The following LRRC18 variants were observed in gnomAD, a reference collection of about 807,000 sequenced individuals.
LRRC18 encodes the protein leucine-rich repeat-containing protein 18.
A neutral mutation model predicts 11.2 loss-of-function variants in LRRC18; 12 were observed. That is an observed-to-expected ratio of 1.07 (90% CI 0.69 to 1.74). The LOEUF (loss-of-function observed/expected upper bound fraction) is 1.74. LRRC18 is among the 40% of genes most tolerant of loss of function. LRRC18 has a pLI of 0.00. For missense variants in LRRC18, 374 were observed against 330.5 expected (o/e 1.13, Z -1.02); for synonymous variants, 155 against 130.6 (o/e 1.19, Z -1.27).
At chr10:48,934,569 A>G in the LRRC18 span, among the ~76,000 whole-genome samples, 2 of 152,204 alleles carry the variant, frequency 1.3e-5, no homozygotes, top group African/African-American at 2.4e-5. Flanking sequence ...GCAAAGCCCA[A>G]CTTAGCCTAG....
At chr10:48,938,200 A>G in the LRRC18 span, among the ~76,000 whole-genome samples, 1 of 152,264 alleles carries the variant, frequency 6.6e-6, no homozygotes, top group African/African-American at 2.4e-5. Flanking sequence ...CAAATAGGCA[A>G]CACAACATGG....
upstream of LRRC18, among the ~76,000 whole-genome samples, chr10:48,916,732 T>G (rs10776654): frequency 0.76 from 114,952 of 152,130 alleles, 43,857 homozygotes; most frequent in East Asian, 1. Context: ...CTCTGAACTC[T>G]CCTGAGCTGC....
At chr10:48,930,556 G>A in the LRRC18 span, among the ~76,000 whole-genome samples, 2 of 152,144 alleles carry the variant, frequency 1.3e-5, no homozygotes, top group African/African-American at 4.8e-5. Context: ...GCAAGGAAAC[G>A]GCTGGTACTC....
chr10:48,932,401 A>G, the LRRC18 span: 2 of 152,208 alleles, frequency 1.3e-5, no homozygotes, highest in Non-Finnish European at 2.9e-5. Context: ...AGCACTGACA[A>G]ATTATTAATA....
At chr10:48,910,810 G>T in intron 1 of LRRC18, 1 of 609,794 alleles carries the variant, frequency 1.6e-6, no homozygotes, top group Non-Finnish European at 2.1e-6. Context: ...TAAGGGTGTT[G>T]AGGACCAAGC....
At chr10:48,922,918 G>C in the LRRC18 span, among the ~76,000 whole-genome samples, 1 of 152,216 alleles carries the variant, frequency 6.6e-6, no homozygotes, top group Non-Finnish European at 1.5e-5. Flanking sequence ...AGAGTCACAA[G>C]TGAGTTTTCT....
intron 1 of LRRC18, 110 bp from the exon 4 acceptor site, chr10:48,910,368 T>C: frequency 1.1e-6 from 1 of 932,950 alleles, no homozygotes; most frequent in South Asian, 1.3e-5. Context: ...ACCTTCAGGA[T>C]GGTCAGGTTA....
chr10:48,910,365 G>A, intron 1 of LRRC18, 107 bp from the exon 4 acceptor site: 2 of 946,076 alleles, frequency 2.1e-6, no homozygotes, highest in Non-Finnish European at 3.5e-6. Flanking sequence ...CTGACCTTCA[G>A]GATGGTCAGG....
At chr10:48,919,186 A>AG (rs56671155), upstream of LRRC18, among the ~76,000 whole-genome samples, 1 of 152,226 alleles carries the variant, frequency 6.6e-6, no homozygotes, top group African/African-American at 2.4e-5. Context: ...TAAAAAAAAA[A>AG]GAAAGAGAAG....
At chr10:48,923,929 C>T in the LRRC18 span, among the ~76,000 whole-genome samples, 131 of 152,328 alleles carry the variant, frequency 8.6e-4, no homozygotes, top group Middle Eastern at 0.02. Flanking sequence ...CAGTTGGGCC[C>T]AGCTGTGCCG....
At chr10:48,925,935 A>C in the LRRC18 span, among the ~76,000 whole-genome samples, 1 of 152,184 alleles carries the variant, frequency 6.6e-6, no homozygotes, top group African/African-American at 2.4e-5. Context: ...AAATATTTTT[A>C]CTATAAGAGA....
At chr10:48,934,410 A>G in the LRRC18 span, among the ~76,000 whole-genome samples, 1 of 152,172 alleles carries the variant, frequency 6.6e-6, no homozygotes, top group Non-Finnish European at 1.5e-5. Flanking sequence ...CACCGGGGGG[A>G]TACAGCAATT....
chr10:48,924,155 C>A, the LRRC18 span, among the ~76,000 whole-genome samples: 5 of 152,212 alleles, frequency 3.3e-5, no homozygotes, highest in African/African-American at 1.2e-4. Flanking sequence ...GTCTGGGTCC[C>A]TAGGCAGCCC....
the LRRC18 span, among the ~76,000 whole-genome samples, chr10:48,923,506 A>ATATATATATATGTATGTATG: frequency 1.6e-4 from 18 of 115,114 alleles, 3 homozygotes; most frequent in East Asian, 1.1e-3. Context: ...GTATATATAT[A>ATATATATATATGTATGTATG]TATATATGTC....
chr10:48,925,144 T>G, the LRRC18 span, among the ~76,000 whole-genome samples: 1 of 152,304 alleles, frequency 6.6e-6, no homozygotes, highest in South Asian at 2.1e-4. Flanking sequence ...ACTCACTCAT[T>G]CAAAGGTAAC....
chr10:48,938,112 C>T, the LRRC18 span, among the ~76,000 whole-genome samples: 1 of 152,226 alleles, frequency 6.6e-6, no homozygotes, highest in Non-Finnish European at 1.5e-5. Context: ...TTGCGTATGC[C>T]TAGTGCTTCT....
chr10:48,918,556 G>C (rs1470511424), upstream of LRRC18, among the ~76,000 whole-genome samples: 1 of 152,142 alleles, frequency 6.6e-6, no homozygotes, highest in Non-Finnish European at 1.5e-5. Context: ...CCTAACAGCA[G>C]AGCTTCAATT....
At chr10:48,933,471 C>T in the LRRC18 span, among the ~76,000 whole-genome samples, 30 of 152,184 alleles carry the variant, frequency 2.0e-4, no homozygotes, top group Non-Finnish European at 4.1e-4. Flanking sequence ...GCTCTCTTGG[C>T]CGCCAGTGGC....
the LRRC18 span, among the ~76,000 whole-genome samples, chr10:48,929,530 C>T: frequency 6.6e-6 from 1 of 152,178 alleles, no homozygotes; most frequent in Non-Finnish European, 1.5e-5. Flanking sequence ...ATGGCCAAGC[C>T]CCTTGCTCCT....
Sources: allele counts gnomAD v4.1 joint callset (sites outside exome capture counted in the v4.1 genomes callset), GRCh38; gene constraint gnomAD v4.1.1; transcripts MANE v1.5; gene names NCBI Gene and HGNC (gene_info 2026-07-23, HGNC 2026-07-21).